Variants in CACNA2D1 observed in about 807,000 individuals in gnomAD.
CACNA2D1 encodes calcium voltage-gated channel auxiliary subunit alpha2delta 1, also known as voltage-dependent calcium channel subunit alpha-2/delta-1.
In CACNA2D1, 53 loss-of-function variants were observed where a neutral mutation model predicts 171.5. That is an observed-to-expected ratio of 0.31 (90% CI 0.25 to 0.39). The LOEUF is 0.39. Ranked by LOEUF, CACNA2D1 falls within the 10% of genes least tolerant of loss-of-function variation. CACNA2D1 has a pLI of 1.00. For missense variants in CACNA2D1, 903 were observed against 1,299.8 expected (o/e 0.69, Z 4.69); for synonymous variants, 442 against 443.1 (o/e 1.00, Z 0.03).
intron 3 of CACNA2D1, among the ~76,000 whole-genome samples, chr7:82,195,626 A>C (rs1173524376): frequency 6.6e-6 from 1 of 151,584 alleles, no homozygotes; most frequent in East Asian, 1.9e-4. Context: ...TATCTCTCCC[A>C]GAGTCTATAA....
At chr7:81,993,867 T>C (rs1797794077) in intron 20 of CACNA2D1, among the ~76,000 whole-genome samples, 1 of 152,090 alleles carries the variant, frequency 6.6e-6, no homozygotes. Flanking sequence ...TGGGAGTTAA[T>C]AGAATATTAC....
chr7:82,400,178 G>T lies in CACNA2D1; in HGVS notation c.95+43187C>A, dbSNP rs990092648. ...TCTTTTGGCTTAGGATTGACTTGGC[G>T]ATGCGGGCTCTTTTTTGGTTCCATA... On this transcript the variant is annotated intron_variant, in intron 1 of 38. Coordinates refer to ENST00000356860, the MANE Select transcript of CACNA2D1 (RefSeq NM_000722.4). Among the ~76,000 whole-genome samples, 6 of 150,758 alleles carry T rather than the reference G, an allele frequency of 4.0e-5. No individual in the cohort carries two copies. The East Asian group carries it at 9.8e-4, about 25-fold the overall frequency.
chr7:82,202,502 T>C (rs950613955), intron 3 of CACNA2D1, among the ~76,000 whole-genome samples: 1 of 152,144 alleles, frequency 6.6e-6, no homozygotes, highest in African/African-American at 2.4e-5. Context: ...CGGCAGTAGA[T>C]GGGTCCCCCG....
intron 11 of CACNA2D1, among the ~76,000 whole-genome samples, chr7:82,034,968 G>A (rs1803126872): frequency 6.6e-6 from 1 of 152,048 alleles, no homozygotes; most frequent in African/African-American, 2.4e-5. Context: ...GACTTGTGGT[G>A]GAGCCAAGTA....
At chr7:82,401,941 C>T (rs9649651) in intron 1 of CACNA2D1, among the ~76,000 whole-genome samples, 7,140 of 152,096 alleles carry the variant, frequency 0.047, 187 homozygotes, top group Middle Eastern at 0.065. Context: ...GGATAGAAAG[C>T]GCGAAAGCAG....
intron 38 of CACNA2D1, 113 bp from the exon 39 acceptor site, chr7:81,950,621 A>G: frequency 7.3e-7 from 1 of 1,375,526 alleles, no homozygotes; most frequent in Admixed American, 2.6e-5. Flanking sequence ...TTCTGAACTT[A>G]CCTTATAAAA....
chr7:82,421,724 G>A (rs191886141), intron 1 of CACNA2D1, among the ~76,000 whole-genome samples: 20 of 152,148 alleles, frequency 1.3e-4, no homozygotes, highest in Admixed American at 1.2e-3. Flanking sequence ...CTCCATACAG[G>A]GCTTGCTCAG....
At chr7:82,341,087 T>C (rs555784138) in intron 2 of CACNA2D1, among the ~76,000 whole-genome samples, 2 of 152,308 alleles carry the variant, frequency 1.3e-5, no homozygotes, top group African/African-American at 4.8e-5. Context: ...TTTTTTCCTT[T>C]ATTAAGTATT....
intron 3 of CACNA2D1, among the ~76,000 whole-genome samples, chr7:82,220,345 G>A (rs573078261): frequency 2.7e-4 from 41 of 152,214 alleles, no homozygotes; most frequent in South Asian, 2.1e-4. Flanking sequence ...GAAATTCGCT[G>A]CTTGGGTTTA....
At chr7:81,976,637 G>C (rs1369267948) in intron 24 of CACNA2D1, among the ~76,000 whole-genome samples, 3 of 152,086 alleles carry the variant, frequency 2.0e-5, no homozygotes, top group Non-Finnish European at 4.4e-5. Context: ...GGCAGATCAC[G>C]AGGTCAAGAG....
intron 3 of CACNA2D1, among the ~76,000 whole-genome samples, chr7:82,257,237 T>C (rs920166068): frequency 2.6e-5 from 4 of 152,212 alleles, no homozygotes; most frequent in African/African-American, 9.6e-5. Flanking sequence ...GCATTTCAGC[T>C]GAGCAAACCA....
intron 3 of CACNA2D1, among the ~76,000 whole-genome samples, chr7:82,293,421 T>A (rs554248003): frequency 6.6e-6 from 1 of 152,360 alleles, no homozygotes; most frequent in Non-Finnish European, 1.5e-5. Flanking sequence ...AAGCCCATTC[T>A]GCATGGGCAG....
chr7:82,305,882 G>C (rs965914269), intron 3 of CACNA2D1, among the ~76,000 whole-genome samples: 1 of 152,168 alleles, frequency 6.6e-6, no homozygotes, highest in Non-Finnish European at 1.5e-5. Flanking sequence ...AGGGAACTCA[G>C]AATCTGTCAG....
At chr7:82,336,029 G>T (rs1817947962) in intron 2 of CACNA2D1, among the ~76,000 whole-genome samples, 1 of 152,116 alleles carries the variant, frequency 6.6e-6, no homozygotes. Flanking sequence ...GGGTTGGAGG[G>T]GAAGCAGTCA....
At chr7:81,961,343 A>AAATAT (rs1794091927) in intron 36 of CACNA2D1, among the ~76,000 whole-genome samples, 1 of 151,982 alleles carries the variant, frequency 6.6e-6, no homozygotes, top group South Asian at 2.1e-4. Context: ...ATTAACCATG[A>AAATAT]CCTAAAAAAA....
intron 3 of CACNA2D1, among the ~76,000 whole-genome samples, chr7:82,230,945 C>T (rs1802862934): frequency 1.3e-5 from 2 of 152,198 alleles, no homozygotes; most frequent in African/African-American, 4.8e-5. Flanking sequence ...TCAGATTCAT[C>T]TTTATAGTCT....
At chr7:82,415,778 A>G (rs1828111294) in intron 1 of CACNA2D1, among the ~76,000 whole-genome samples, 1 of 152,066 alleles carries the variant, frequency 6.6e-6, no homozygotes, top group Non-Finnish European at 1.5e-5. Flanking sequence ...TTCTTATAAG[A>G]GAAAAAAATG....
chr7:82,339,396 T>G (rs1192656487), intron 2 of CACNA2D1, among the ~76,000 whole-genome samples: 1 of 152,200 alleles, frequency 6.6e-6, no homozygotes, highest in Non-Finnish European at 1.5e-5. Flanking sequence ...GGACAAGCAA[T>G]CAAGATTTCT....
chr7:82,024,473 C>T (rs949054773), intron 12 of CACNA2D1, among the ~76,000 whole-genome samples: 3 of 151,656 alleles, frequency 2.0e-5, no homozygotes, highest in Non-Finnish European at 1.5e-5. Flanking sequence ...GTACTTAGCT[C>T]ATTTTTCAAT....
Sources: gnomAD v4.1 joint callset for allele counts (sites outside exome capture counted in the v4.1 genomes callset) on GRCh38, gnomAD v4.1.1 for gene constraint, MANE v1.5 for transcripts, NCBI Gene and HGNC (gene_info 2026-07-23, HGNC 2026-07-21) for gene names.